PPP2R2B: variants seen among roughly 807,000 people sequenced by gnomAD.
PPP2R2B encodes protein phosphatase 2 regulatory subunit Bbeta.
Under a neutral mutation model 46.0 loss-of-function variants are expected in PPP2R2B, and 5 were observed. The ratio of observed to expected loss-of-function variants is 0.11; its 90% CI spans 0.06 to 0.23. The LOEUF is 0.23. Ranked by LOEUF, PPP2R2B falls within the 10% of genes least tolerant of loss-of-function variation. PPP2R2B has a pLI of 1.00. For synonymous variants in PPP2R2B, 215 were observed against 206.7 expected (o/e 1.04, Z -0.34); for missense variants, 367 against 575.0 (o/e 0.64, Z 3.70).
At chr5:146,864,222 G>A (rs1057444198) in intron 2 of PPP2R2B, among the ~76,000 whole-genome samples, 3 of 151,944 alleles carry the variant, frequency 2.0e-5, no homozygotes, top group African/African-American at 4.8e-5. Flanking sequence ...ACTATAGAAT[G>A]TTAACTACAG....
Position 146,748,351 on chromosome 5 carries a change from C to G in PPP2R2B, c.71-47209G>C, listed in dbSNP as rs370112528. Among the ~76,000 whole-genome samples, 21 of 152,212 alleles carry G rather than the reference C, an allele frequency of 1.4e-4. No individual in the cohort carries two copies. The South Asian group carries it at 4.4e-3, about 32-fold the overall frequency. On this transcript the variant is annotated intron_variant, in intron 2 of 9. Transcript: ENST00000394411. ...CTATGGAACATTCACCCAGTTCCCC[C>G]CATCACAATGGTAACATTTTGCAAA...
chr5:146,706,778 C>G (rs1779886806), intron 2 of PPP2R2B: 1 of 814,668 alleles, frequency 1.2e-6, no homozygotes, highest in African/African-American at 1.7e-5. Context: ...CTGATACATG[C>G]TCTCGGCCTC....
intron 1 of PPP2R2B, among the ~76,000 whole-genome samples, chr5:147,029,424 C>G (rs1755677074): frequency 6.6e-6 from 1 of 152,164 alleles, no homozygotes; most frequent in Non-Finnish European, 1.5e-5. Flanking sequence ...GCAATGCCAT[C>G]TTTTCAAAAG....
chr5:147,068,626 T>C (rs564648654), intron 2 of PPP2R2B, among the ~76,000 whole-genome samples: 26 of 152,342 alleles, frequency 1.7e-4, no homozygotes, highest in African/African-American at 6.3e-4. Context: ...AAGATACTTT[T>C]TAGAAAAATA....
intron 1 of PPP2R2B, among the ~76,000 whole-genome samples, chr5:146,925,985 T>C (rs1763769601): frequency 6.6e-6 from 1 of 152,186 alleles, no homozygotes; most frequent in African/African-American, 2.4e-5. Context: ...ACCTGGTATT[T>C]TTAAAATAAA....
At chr5:147,055,600 G>T in intron 1 of PPP2R2B, 3 of 1,408,414 alleles carry the variant, frequency 2.1e-6, no homozygotes, top group Non-Finnish European at 3.0e-6. Context: ...AGCAGAACCC[G>T]TGGGAAGTCA....
intron 2 of PPP2R2B, among the ~76,000 whole-genome samples, chr5:146,740,577 AC>A (rs1752811137): frequency 1.7e-4 from 1 of 5,744 alleles, no homozygotes; most frequent in Non-Finnish European, 3.8e-4. Context: ...ATGAGATCAC[AC>A]ACACACACAC....
rs1761768121 is a variant in PPP2R2B at position 146,874,131 on chromosome 5, CT to C, written c.70+3870del. Among the ~76,000 whole-genome samples the C allele has an allele frequency of 2.6e-5, 4 of 152,356 alleles. No homozygotes were observed. In the South Asian group the frequency reaches 8.3e-4, roughly 32 times the overall value. On this transcript the variant is annotated intron_variant, in intron 2 of 9. Coordinates refer to ENST00000394411, the MANE Select transcript of PPP2R2B (RefSeq NM_181675.4). ...TTTCCACCTTATGACCCCAAGGCAT[CT>C]TGTGCCTTTCCTAAATATCACTTAT... is the stretch of plus-strand genomic sequence containing the variant.
At chr5:147,034,979 G>T (rs1755966548) in intron 1 of PPP2R2B, among the ~76,000 whole-genome samples, 1 of 152,014 alleles carries the variant, frequency 6.6e-6, no homozygotes, top group Non-Finnish European at 1.5e-5. Flanking sequence ...TGGGGTGGGG[G>T]GAGGAAGAGG....
chr5:147,029,779 A>C (rs561885427), intron 1 of PPP2R2B, among the ~76,000 whole-genome samples: 9 of 152,340 alleles, frequency 5.9e-5, no homozygotes, highest in African/African-American at 1.7e-4. Context: ...CAGAGCAAGA[A>C]GGAAGCTGTC....
intron 1 of PPP2R2B, among the ~76,000 whole-genome samples, chr5:147,022,585 AAAT>A (rs1755335147): frequency 6.6e-6 from 1 of 152,036 alleles, no homozygotes; most frequent in Admixed American, 6.6e-5. Flanking sequence ...TTTAATAAGA[AAAT>A]AAAGCCATAG....
intron 1 of PPP2R2B, among the ~76,000 whole-genome samples, chr5:146,985,919 C>A (rs188019680): frequency 6.6e-6 from 1 of 152,074 alleles, no homozygotes; most frequent in African/African-American, 2.4e-5. Context: ...ACAAAAACAA[C>A]AAACTATACA....
chr5:146,754,106 A>T (rs1753709826), intron 2 of PPP2R2B, among the ~76,000 whole-genome samples: 1 of 152,218 alleles, frequency 6.6e-6, no homozygotes, highest in African/African-American at 2.4e-5. Flanking sequence ...AAGTTCTGCC[A>T]CAAGCCCCCG....
intron 8 of PPP2R2B, among the ~76,000 whole-genome samples, 164 bp from the exon 9 acceptor site, chr5:146,593,226 A>T (rs566482178): frequency 6.6e-6 from 1 of 152,312 alleles, no homozygotes; most frequent in South Asian, 2.1e-4. Context: ...TAGCTGTAGG[A>T]CATTAGGATG....
At chr5:146,906,050 A>AT in intron 1 of PPP2R2B, among the ~76,000 whole-genome samples, 2 of 152,202 alleles carry the variant, frequency 1.3e-5, no homozygotes, top group East Asian at 3.9e-4. Flanking sequence ...ATTTGAACCT[A>AT]TTTTTTCAGC....
rs74755236 is a variant in PPP2R2B at position 146,790,363 on chromosome 5, C to G, written c.70+87639G>C. ...GAGAACAGGAAAAAAGCCCTTTGCTCTTGGGACCTTAAGTGATTAGAAAGA... is the reference window on the plus strand; with the variant it reads ...GAGAACAGGAAAAAAGCCCTTTGCTGTTGGGACCTTAAGTGATTAGAAAGA... On this transcript the variant is annotated intron_variant, in intron 2 of 9. Transcript: ENST00000394411. Among the ~76,000 whole-genome samples, 873 of 152,264 alleles carry G rather than the reference C, an allele frequency of 5.7e-3. 6 individuals are homozygous for G. Among genetic ancestry groups the G allele is most frequent in the African/African-American group, 0.019 (786 of 41,550 alleles).
chr5:146,603,216 C>T (rs1007663144), intron 7 of PPP2R2B, among the ~76,000 whole-genome samples: 3 of 152,188 alleles, frequency 2.0e-5, no homozygotes, highest in African/African-American at 7.2e-5. Flanking sequence ...GCTGGCCAGT[C>T]ATATCTCATT....
At chr5:146,848,061 T>G (rs991210927) in intron 2 of PPP2R2B, among the ~76,000 whole-genome samples, 6 of 152,224 alleles carry the variant, frequency 3.9e-5, no homozygotes, top group Non-Finnish European at 8.8e-5. Flanking sequence ...CTGTCCATAC[T>G]CCGTCATTTT....
chr5:146,768,886 T>C (rs1314811410), intron 2 of PPP2R2B, among the ~76,000 whole-genome samples: 3 of 119,022 alleles, frequency 2.5e-5, no homozygotes, highest in African/African-American at 8.0e-5. Flanking sequence ...GATTTGTTGT[T>C]ACTTTTTTTT....
Sources: gnomAD v4.1 joint callset for allele counts (sites outside exome capture counted in the v4.1 genomes callset) on GRCh38, gnomAD v4.1.1 for gene constraint, MANE v1.5 for transcripts, NCBI Gene and HGNC (gene_info 2026-07-23, HGNC 2026-07-21) for gene names.